The following AXDND1 variants were observed in gnomAD, a reference collection of about 807,000 sequenced individuals.
AXDND1 encodes the protein axonemal dynein light chain domain containing 1, also known as axonemal dynein light chain domain-containing protein 1.
A neutral mutation model predicts 137.5 loss-of-function variants in AXDND1; 110 were observed. That is an observed-to-expected ratio of 0.80 (90% CI 0.69 to 0.94). The LOEUF is 0.94. Among genes scored for constraint, AXDND1 ranks in the 40% least tolerant of loss-of-function variants. The probability of loss-of-function intolerance (pLI) is 0.00; values close to 1 mark genes in which losing one functional copy is unlikely to be tolerated. For synonymous variants in AXDND1, 414 were observed against 399.7 expected (o/e 1.04, Z -0.43); for missense variants, 1,191 against 1,169.8 (o/e 1.02, Z -0.26).
At chr1:179,496,300 A>G (rs779654472) in intron 20 of AXDND1, among the ~76,000 whole-genome samples, 3 of 152,034 alleles carry the variant, frequency 2.0e-5, no homozygotes, top group Non-Finnish European at 4.4e-5. Flanking sequence ...TCTTCCATAA[A>G]TGTTTGGTAG....
chr1:179,369,477 C>A (rs145976993), intron 3 of AXDND1, among the ~76,000 whole-genome samples: 1,724 of 152,188 alleles, frequency 0.011, 45 homozygotes, highest in African/African-American at 0.039. Flanking sequence ...CATCATGAAA[C>A]CCTGTCTCTA....
At chr1:179,506,894 A>G (rs1187146163) in intron 20 of AXDND1, 1 of 985,280 alleles carries the variant, frequency 1.0e-6, no homozygotes, top group Non-Finnish European at 1.2e-6. Context: ...AGATGGTGGT[A>G]GTAGGAATCT....
At chr1:179,489,908 C>G (rs1411828074) in intron 18 of AXDND1, among the ~76,000 whole-genome samples, 1 of 152,018 alleles carries the variant, frequency 6.6e-6, no homozygotes. Context: ...CCCCGCCCGA[C>G]TAATTTTTTG....
At chr1:179,450,473 T>C (rs183902635) in intron 16 of AXDND1, 2 of 152,358 alleles carry the variant, frequency 1.3e-5, no homozygotes, top group Middle Eastern at 3.4e-3. Context: ...GGGTTTTTCA[T>C]AGATGCTTTT....
intron 15 of AXDND1, among the ~76,000 whole-genome samples, chr1:179,433,858 A>G (rs1415462886): frequency 2.0e-5 from 3 of 152,166 alleles, no homozygotes; most frequent in Non-Finnish European, 2.9e-5. Context: ...AGTTCTGTAG[A>G]TGTCTATTAG....
intron 25 of AXDND1, among the ~76,000 whole-genome samples, chr1:179,535,594 G>A (rs1031981792): frequency 6.6e-6 from 1 of 152,132 alleles, no homozygotes; most frequent in African/African-American, 2.4e-5. Flanking sequence ...TGGTGTATAT[G>A]TGCCACATTT....
At chr1:179,463,943 T>C (rs543585907) in intron 16 of AXDND1, among the ~76,000 whole-genome samples, 18 of 150,672 alleles carry the variant, frequency 1.2e-4, no homozygotes, top group African/African-American at 4.3e-4. Context: ...GATTGCAACC[T>C]CTGCTGTTTT....
At chr1:179,409,926 G>A (rs1653601950) in intron 11 of AXDND1, among the ~76,000 whole-genome samples, 1 of 151,586 alleles carries the variant, frequency 6.6e-6, no homozygotes, top group Non-Finnish European at 1.5e-5. Context: ...CTACTCTTTT[G>A]TTGTTGGACA....
intron 25 of AXDND1, chr1:179,546,256 A>G (rs1241162869): frequency 7.9e-5 from 12 of 151,352 alleles, no homozygotes; most frequent in Admixed American, 7.9e-4. Context: ...GGGACACACT[A>G]TGGGGAAAGG....
rs965107904 is a variant in AXDND1 at position 179,509,345 on chromosome 1, T to C, written c.2438T>C (p.Ile813Thr). The change falls in exon 21 of 26, where the codon ATC (isoleucine) becomes ACC (threonine). Residue 813 changes from isoleucine to threonine, a missense_variant. Transcript: ENST00000367618. ...ACATGCTCTTGCCTCCTTTCTAATA[T>C]CAAAGGCAGAAAAATTACATTATTG... ...INTCSCLLSN[I>T]KGRKITLLTY... 6.2e-7 allele frequency: 1 copy of C among 1,612,928 alleles called. No homozygotes were observed. The highest frequency in any genetic ancestry group is 1.3e-5 in the African/African-American group (1 of 74,880).
At chr1:179,505,255 TACTAG>T (rs2125627358) in intron 20 of AXDND1, among the ~76,000 whole-genome samples, 1 of 152,332 alleles carries the variant, frequency 6.6e-6, no homozygotes, top group East Asian at 1.9e-4. Flanking sequence ...GCATTTGACC[TACTAG>T]ACTGATATTT....
At chr1:179,380,701 T>TCC (rs1648120469) in intron 6 of AXDND1, among the ~76,000 whole-genome samples, 2 of 152,220 alleles carry the variant, frequency 1.3e-5, no homozygotes, top group Non-Finnish European at 2.9e-5. Flanking sequence ...ATATGTATGT[T>TCC]ATAATATATT....
At chr1:179,542,179 A>G (rs1672234067) in intron 25 of AXDND1, among the ~76,000 whole-genome samples, 1 of 152,204 alleles carries the variant, frequency 6.6e-6, no homozygotes, top group Non-Finnish European at 1.5e-5. Context: ...TAGTGCTGCA[A>G]TATGCCCACA....
chr1:179,440,007 C>CT (rs1247167570), intron 15 of AXDND1, among the ~76,000 whole-genome samples: 1 of 152,228 alleles, frequency 6.6e-6, no homozygotes, highest in South Asian at 2.1e-4. Context: ...CTCTTTTCCT[C>CT]TAACACTTGC....
chr1:179,458,579 G>A (rs142386875), intron 16 of AXDND1, among the ~76,000 whole-genome samples: 5 of 152,038 alleles, frequency 3.3e-5, no homozygotes, highest in African/African-American at 1.2e-4. Context: ...TATATTCCAG[G>A]AATGCATGAG....
At chr1:179,423,376 G>A (rs4504843) in intron 12 of AXDND1, among the ~76,000 whole-genome samples, 1 of 151,986 alleles carries the variant, frequency 6.6e-6, no homozygotes, top group African/African-American at 2.4e-5. Context: ...GGGTCTTGTT[G>A]CTTTATCCTT....
intron 12 of AXDND1, among the ~76,000 whole-genome samples, chr1:179,423,784 T>C (rs1466145289): frequency 6.6e-6 from 1 of 152,230 alleles, no homozygotes; most frequent in Non-Finnish European, 1.5e-5. Flanking sequence ...TTTACATATT[T>C]GTATATATTA....
chr1:179,445,568 A>G (rs1659616772), intron 16 of AXDND1, among the ~76,000 whole-genome samples: 1 of 152,042 alleles, frequency 6.6e-6, no homozygotes, highest in African/African-American at 2.4e-5. Context: ...GTCTCTATAG[A>G]TTTCCCTGTT....
chr1:179,512,988 T>C (rs1669195180), intron 21 of AXDND1, among the ~76,000 whole-genome samples: 1 of 152,132 alleles, frequency 6.6e-6, no homozygotes, highest in African/African-American at 2.4e-5. Flanking sequence ...TCAAGGTAAA[T>C]GATCATATTG....
Sources: gnomAD v4.1 joint callset for allele counts (sites outside exome capture counted in the v4.1 genomes callset) on GRCh38, gnomAD v4.1.1 for gene constraint, MANE v1.5 for transcripts, NCBI Gene and HGNC (gene_info 2026-07-23, HGNC 2026-07-21) for gene names.